MARCHF6: variants seen among roughly 807,000 people sequenced by gnomAD.
MARCHF6 encodes membrane associated ring-CH-type finger 6.
Under a neutral mutation model 133.7 loss-of-function variants are expected in MARCHF6, and 31 were observed. The ratio of observed to expected loss-of-function variants is 0.23; its 90% confidence interval spans 0.17 to 0.31. The LOEUF is 0.31. Among genes scored for constraint, MARCHF6 ranks in the 10% least tolerant of loss-of-function variants. The pLI, the probability that MARCHF6 is intolerant of heterozygous loss-of-function variation, is 1.00. For missense variants in MARCHF6, 723 were observed against 1,121.6 expected, an observed-to-expected ratio of 0.64 and a Z score of 5.08; for synonymous variants, 395 against 402.5, an observed-to-expected ratio of 0.98 and a Z score of 0.22.
At chr5:10,398,978 AT>A (rs1738354387) in intron 10 of MARCHF6, among the ~76,000 whole-genome samples, 1 of 152,122 alleles carries the variant, frequency 6.6e-6, no homozygotes, top group Non-Finnish European at 1.5e-5. Flanking sequence ...TTGTGGTCAT[AT>A]GCTTTGCAGA....
At chr5:10,426,046 T>G (rs1740069474) in intron 23 of MARCHF6, among the ~76,000 whole-genome samples, 1 of 152,256 alleles carries the variant, frequency 6.6e-6, no homozygotes, top group East Asian at 1.9e-4. Context: ...CGTATCTCTT[T>G]CATAAGATGT....
chr5:10,380,447 T>C (rs1373922373), intron 3 of MARCHF6, among the ~76,000 whole-genome samples: 2 of 152,194 alleles, frequency 1.3e-5, no homozygotes, highest in Non-Finnish European at 2.9e-5. Flanking sequence ...ATAGGAAATA[T>C]GTGGGCTTTT....
chr5:10,405,740 T>G, intron 16 of MARCHF6, 63 bp downstream of exon 16: 1 of 1,484,314 alleles, frequency 6.7e-7, no homozygotes, highest in Non-Finnish European at 9.0e-7. Context: ...TAGTTTTGTT[T>G]AGGTTTTTTT....
intron 1 of MARCHF6, among the ~76,000 whole-genome samples, chr5:10,365,628 A>G (rs1736098507): frequency 6.6e-6 from 1 of 152,324 alleles, no homozygotes; most frequent in East Asian, 1.9e-4. Context: ...TGCAAGGCCT[A>G]ATTCCCAAAC....
chr5:10,385,078 C>T (rs1737385425), intron 4 of MARCHF6, among the ~76,000 whole-genome samples: 1 of 152,166 alleles, frequency 6.6e-6, no homozygotes. Context: ...TTGACAAAAA[C>T]AAGCCAGGCA....
chr5:10,429,841 A>G (rs763132409), intron 24 of MARCHF6, 52 bp from the exon 25 acceptor site: 14 of 1,512,212 alleles, frequency 9.3e-6, no homozygotes, highest in Non-Finnish European at 1.2e-5. Flanking sequence ...TTTACGTTTC[A>G]TGTCACTGTT....
chr5:10,353,950 G>T, intron 1 of MARCHF6, 33 bp downstream of exon 1: 1 of 1,536,902 alleles, frequency 6.5e-7, no homozygotes. Context: ...CCGAGCCCTT[G>T]CGTCGGCGCC....
At chr5:10,374,303 G>A (rs1205993590) in intron 1 of MARCHF6, among the ~76,000 whole-genome samples, 1 of 152,224 alleles carries the variant, frequency 6.6e-6, no homozygotes, top group Non-Finnish European at 1.5e-5. Flanking sequence ...TCAATGTGGT[G>A]TGCTGAATTC....
intron 1 of MARCHF6, among the ~76,000 whole-genome samples, chr5:10,370,478 A>G (rs1259076632): frequency 2.0e-5 from 3 of 152,190 alleles, no homozygotes; most frequent in East Asian, 3.8e-4. Context: ...AACTATTTTT[A>G]AGTATATACT....
chr5:10,378,657 G>C (rs1056790129), intron 2 of MARCHF6, 102 bp from the exon 3 acceptor site: 12 of 725,812 alleles, frequency 1.7e-5, no homozygotes, highest in Admixed American at 1.3e-4. Flanking sequence ...GAAACTAAAA[G>C]CTCTGTGATA....
chr5:10,419,388 T>C (rs1281747492), intron 22 of MARCHF6, among the ~76,000 whole-genome samples: 1 of 152,184 alleles, frequency 6.6e-6, no homozygotes, highest in Admixed American at 6.5e-5. Flanking sequence ...CTAATGTAAA[T>C]GTTCCGAGCG....
intron 24 of MARCHF6, among the ~76,000 whole-genome samples, chr5:10,427,134 C>T (rs1740127138): frequency 6.6e-6 from 1 of 152,248 alleles, no homozygotes; most frequent in East Asian, 1.9e-4. Context: ...TCACCTTATT[C>T]TGTCCTCCAT....
chr5:10,417,593 C>T, intron 22 of MARCHF6, 189 bp downstream of exon 22: 1 of 649,368 alleles, frequency 1.5e-6, no homozygotes, highest in South Asian at 1.9e-5. Context: ...AAAAAATTGG[C>T]TCATGCGTCT....
At chr5:10,360,472 G>A (rs1389813588) in intron 1 of MARCHF6, among the ~76,000 whole-genome samples, 1 of 152,108 alleles carries the variant, frequency 6.6e-6, no homozygotes, top group East Asian at 1.9e-4. Flanking sequence ...GGAGGTCGGT[G>A]CCCCTAACTC....
intron 4 of MARCHF6, 153 bp from the exon 5 acceptor site, chr5:10,386,841 A>T (rs1338606480): frequency 8.8e-6 from 5 of 566,778 alleles, no homozygotes; most frequent in Non-Finnish European, 1.6e-5. Flanking sequence ...CTGTGTTTTT[A>T]AAAATTTAAT....
intron 1 of MARCHF6, among the ~76,000 whole-genome samples, chr5:10,370,271 TA>T (rs894526840): frequency 1.3e-5 from 2 of 151,786 alleles, no homozygotes; most frequent in African/African-American, 4.8e-5. Flanking sequence ...CTGCTAATTT[TA>T]AAATTTTATT....
At chr5:10,395,378 T>C (rs1738130081) in intron 9 of MARCHF6, among the ~76,000 whole-genome samples, 1 of 152,202 alleles carries the variant, frequency 6.6e-6, no homozygotes, top group South Asian at 2.1e-4. Flanking sequence ...GCAGTGTTTA[T>C]TGCCTGTACT....
At chr5:10,356,584 T>C (rs887109868) in intron 1 of MARCHF6, among the ~76,000 whole-genome samples, 1 of 151,850 alleles carries the variant, frequency 6.6e-6, no homozygotes. Context: ...TTAGTAGAGA[T>C]GGGGTTTCGC....
intron 11 of MARCHF6, chr5:10,401,377 A>G (rs1285620903): frequency 6.5e-6 from 1 of 154,106 alleles, no homozygotes; most frequent in East Asian, 1.9e-4. Context: ...ATCTGGGATC[A>G]TATGCTCAGT....
Sources: gnomAD v4.1 joint callset for allele counts (sites outside exome capture counted in the v4.1 genomes callset) on GRCh38, gnomAD v4.1.1 for gene constraint, MANE v1.5 for transcripts, NCBI Gene and HGNC (gene_info 2026-07-23, HGNC 2026-07-21) for gene names.